Variants in PIGS observed in about 807,000 individuals in gnomAD.
The protein encoded by PIGS is GPI-anchor transamidase component PIGS.
PIGS carries 37 observed loss-of-function variants against 58.2 expected under a neutral mutation model. The observed-to-expected ratio is 0.64, with a 90% CI of 0.49 to 0.84. The LOEUF (loss-of-function observed/expected upper bound fraction) is 0.84. Ranked by LOEUF, PIGS falls within the 40% of genes least tolerant of loss-of-function variation. The pLI is 0.00. For synonymous variants in PIGS, 269 were observed against 289.2 expected (o/e 0.93, Z 0.71); for missense variants, 629 against 710.8 (o/e 0.88, Z 1.31).
At position 28,555,071 on chromosome 17, in the gene PIGS, C is replaced by T. The variant is rs747167053; in HGVS notation, c.1182-10G>A. On this transcript the variant is annotated splice_polypyrimidine_tract_variant and intron_variant, in intron 10 of 11. Coordinates refer to ENST00000308360, the MANE Select transcript of PIGS (RefSeq NM_033198.4). ...AATCCCAAAGAGCAACCTGTAGGAA[C>T]ATCGGAGTAAGATCAAGGTGGCTGA... 1.9e-6 allele frequency: 3 copies of T among 1,607,446 alleles called. No individual in the cohort carries two copies. The highest frequency in any genetic ancestry group is 2.6e-6 in the Non-Finnish European group (3 of 1,176,230).
chr17:28,563,541 G>A lies in PIGS; in HGVS notation c.377-19C>T. The A allele has an allele frequency of 6.2e-7, 1 of 1,607,004 alleles. No homozygotes were observed. Among genetic ancestry groups the A allele is most frequent in the African/African-American group, 1.3e-5 (1 of 74,834 alleles). On this transcript the variant is annotated intron_variant, in intron 4 of 11. Coordinates refer to ENST00000308360, the MANE Select transcript of PIGS (RefSeq NM_033198.4). ...TCTGCCTCTGGGGGCAAGAACAGGT[G>A]GTACACCAAGAGCAAAACACCATTC... is the stretch of plus-strand genomic sequence containing the variant.
intron 8 of PIGS, among the ~76,000 whole-genome samples, chr17:28,558,180 C>T (rs1250724446): frequency 1.3e-5 from 2 of 152,164 alleles, no homozygotes; most frequent in African/African-American, 4.8e-5. Flanking sequence ...GTGGCACATA[C>T]CTATAGTTCT....
intron 3 of PIGS, among the ~76,000 whole-genome samples, chr17:28,567,437 A>G (rs1031356286): frequency 1.3e-5 from 2 of 151,792 alleles, no homozygotes; most frequent in African/African-American, 4.8e-5. Context: ...CAACAAATCA[A>G]TGGTGTGAAA....
chr17:28,559,872 A>G (rs2070352606), intron 7 of PIGS, among the ~76,000 whole-genome samples, 177 bp downstream of exon 7: 1 of 152,166 alleles, frequency 6.6e-6, no homozygotes, highest in Non-Finnish European at 1.5e-5. Flanking sequence ...CAATGGATGG[A>G]TGGACACAGA....
At chr17:28,563,103 C>T (rs1408661721) in intron 5 of PIGS, among the ~76,000 whole-genome samples, 1 of 152,024 alleles carries the variant, frequency 6.6e-6, no homozygotes, top group Non-Finnish European at 1.5e-5. Flanking sequence ...GTCAGGAGTT[C>T]GAGACCAGCC....
In PIGS at chr17:28,554,171, C is replaced by T. The variant is rs1346078953; in HGVS notation, c.*49G>A. ...ATGTACGTGCCTCACAATCTAACAC[C>T]GCCCACCTTGGCCAGAAAGGAAGGC... is the stretch of plus-strand genomic sequence containing the variant. On this transcript the variant is annotated 3_prime_UTR_variant, in exon 12 of 12. Coordinates refer to ENST00000308360, the MANE Select transcript of PIGS (RefSeq NM_033198.4). The T allele has an allele frequency of 1.6e-5, 25 of 1,598,742 alleles. No individual in the cohort carries two copies. Among genetic ancestry groups the T allele is most frequent in the South Asian group, 4.5e-5 (4 of 89,110 alleles).
At chr17:28,557,615 T>C (rs2070339148) in intron 8 of PIGS, 1 of 152,352 alleles carries the variant, frequency 6.6e-6, no homozygotes, top group Non-Finnish European at 1.5e-5. Flanking sequence ...GGAGGAATTT[T>C]CTAAGGCCTC....
intron 1 of PIGS, 79 bp downstream of exon 1, chr17:28,571,384 G>A: frequency 1.3e-6 from 2 of 1,569,110 alleles, no homozygotes; most frequent in East Asian, 2.4e-5. Context: ...GGGACCTCTC[G>A]CACACCACAA....
chr17:28,567,011 G>A (rs536797114), intron 3 of PIGS, among the ~76,000 whole-genome samples: 2 of 152,246 alleles, frequency 1.3e-5, no homozygotes, highest in South Asian at 4.1e-4. Flanking sequence ...GTGACAGAGT[G>A]AGACCCTGTC....
intron 5 of PIGS, among the ~76,000 whole-genome samples, chr17:28,562,755 G>C (rs905024541): frequency 6.7e-6 from 1 of 149,082 alleles, no homozygotes; most frequent in African/African-American, 2.5e-5. Context: ...TGTTAGTAGA[G>C]ATGGGGAGTG....
chr17:28,570,875 T>G lies in PIGS; in HGVS notation c.263A>C (p.His88Pro), dbSNP rs1026221106. Residue 88 changes from histidine to proline, a missense_variant, in exon 3 of 12, where the codon CAT (histidine) becomes CCT (proline). Physicochemically the swap from His to Pro is moderately conservative, Grantham distance 77 (BLOSUM62 -2). Coordinates refer to ENST00000308360, the MANE Select transcript of PIGS (RefSeq NM_033198.4). ...ACATTTCAGAGGAATCTCTCTTTCA[T>G]GCACAACGGTGAAGGGCAGCTTCTC... is the stretch of plus-strand genomic sequence containing the variant. ...DQEKLPFTVV[H>P]EREIPLKYKM... The G allele has an allele frequency of 3.7e-6, 6 of 1,614,216 alleles. No homozygotes were observed. Among genetic ancestry groups the G allele is most frequent in the Non-Finnish European group, 5.1e-6 (6 of 1,180,044 alleles).
In PIGS at chr17:28,560,114, G is replaced by A. The variant is rs141039039; in HGVS notation, c.754C>T (p.Arg252Trp). 1.7e-5 allele frequency: 27 copies of A among 1,613,480 alleles called. No individual in the cohort carries two copies. The African/African-American group carries it at 1.9e-4, about 11-fold the overall frequency. Residue 252 changes from arginine (R) to tryptophan (W), a missense_variant, in exon 7 of 12, where the codon CGG becomes TGG. Coordinates refer to ENST00000308360, the MANE Select transcript of PIGS (RefSeq NM_033198.4). ...TTCAGGAAAGGTTGCACATAGCGCC[G>A]GACAGCCCCCTCAATGTCCCAGTAG... The part of the protein sequence containing the change: ...DVYWDIEGAV[R>W]RYVQPFLNAL...
chr17:28,565,644 C>T (rs912250430), intron 3 of PIGS, among the ~76,000 whole-genome samples: 1 of 152,148 alleles, frequency 6.6e-6, no homozygotes, highest in Non-Finnish European at 1.5e-5. Flanking sequence ...AATTCCAGCA[C>T]TTTAGGGTCC....
chr17:28,566,398 C>A (rs1265749613), intron 3 of PIGS, among the ~76,000 whole-genome samples: 1 of 149,938 alleles, frequency 6.7e-6, no homozygotes, highest in Non-Finnish European at 1.5e-5. Flanking sequence ...TCAAGCAATT[C>A]TCCTACCTCA....
At position 28,571,458 on chromosome 17, in the gene PIGS, C is replaced by A. The variant is rs777939711; in HGVS notation, c.34+5G>T. 8 of 1,610,298 alleles carry A rather than the reference C, an allele frequency of 5.0e-6. No individual in the cohort carries two copies. The South Asian group carries it at 8.8e-5, about 18-fold the overall frequency. ...TGCAGGCCCCCCACCCGAAGCCCAC[C>A]GCACCTAGGTGTGTAGCCGCAGCCC... is the stretch of plus-strand genomic sequence containing the variant. On this transcript the variant is annotated splice_donor_5th_base_variant and intron_variant, in intron 1 of 11. Coordinates refer to ENST00000308360, the MANE Select transcript of PIGS (RefSeq NM_033198.4).
Position 28,554,041 on chromosome 17 carries a change from G to C in PIGS, c.*179C>G. On this transcript the variant is annotated 3_prime_UTR_variant, in exon 12 of 12. Transcript: ENST00000308360. ...GGAGGAGGATTGAGCCAGGTGAATG[G>C]GAAAGGAAGAAAAGATGAACCCATC... 1.3e-6 allele frequency: 1 copy of C among 769,076 alleles called. No individual in the cohort carries two copies. Among genetic ancestry groups the C allele is most frequent in the Non-Finnish European group, 2.0e-6 (1 of 490,156 alleles). The allele number at this position is 769,076 out of a possible 1,614,324, so 47.6% of individuals were successfully genotyped here.
intron 5 of PIGS, 186 bp from the exon 6 acceptor site, chr17:28,561,815 T>C (rs1205228699): frequency 1.7e-6 from 1 of 588,438 alleles, no homozygotes; most frequent in African/African-American, 1.9e-5. Context: ...TTTTCATTTG[T>C]CTCCGTTCTC....
Position 28,554,969 on chromosome 17 carries a change from C to T in PIGS, c.1274G>A (p.Arg425Gln), listed in dbSNP as rs760640715. ...CTCCACTGACCGAGCCCAGAGCAGC[C>T]GGTCTAGCTCCCAGGTCATTAGCCC... ...SEGLMTWELD[R>Q]LLWARSVENL... Residue 425 changes from arginine (R) to glutamine (Q), a missense_variant, in exon 11 of 12, where the codon CGG becomes CAG. Transcript: ENST00000308360. The T allele has an allele frequency of 1.3e-5, 21 of 1,611,326 alleles. No individual in the cohort carries two copies. In the Admixed American group the frequency reaches 1.5e-4, roughly 12 times the overall value.
intron 3 of PIGS, among the ~76,000 whole-genome samples, chr17:28,568,394 CA>C (rs1191911427): frequency 6.6e-6 from 1 of 152,134 alleles, no homozygotes; most frequent in Non-Finnish European, 1.5e-5. Flanking sequence ...TGAGCTACCA[CA>C]TCCAGCTTTG....
Sources: gnomAD v4.1 joint callset for allele counts (sites outside exome capture counted in the v4.1 genomes callset) on GRCh38, gnomAD v4.1.1 for gene constraint, MANE v1.5 for transcripts, NCBI Gene and HGNC (gene_info 2026-07-23, HGNC 2026-07-21) for gene names.